The following LPP variants were observed in gnomAD, a reference collection of about 807,000 sequenced individuals.
LPP encodes the protein lipoma-preferred partner.
LPP carries 38 observed loss-of-function variants against 60.4 expected under a neutral mutation model. The observed-to-expected ratio is 0.63, with a 90% CI of 0.49 to 0.83. The LOEUF (loss-of-function observed/expected upper bound fraction) is 0.83, where lower values mean the gene tolerates loss of function less well. LPP is among the 40% of genes least tolerant of loss of function. The pLI is 0.00. For missense variants in LPP, 902 were observed against 783.6 expected, an observed-to-expected ratio of 1.15 and a Z score of -1.80; for synonymous variants, 328 against 290.8, an observed-to-expected ratio of 1.13 and a Z score of -1.30.
At chr3:188,758,573 AC>A (rs1353963479) in intron 8 of LPP, among the ~76,000 whole-genome samples, 1 of 152,212 alleles carries the variant, frequency 6.6e-6, no homozygotes, top group Non-Finnish European at 1.5e-5. Flanking sequence ...AGGGCCAAAT[AC>A]AACTGGAGAG....
At chr3:188,272,680 A>G (rs1182093887) in intron 2 of LPP, among the ~76,000 whole-genome samples, 1 of 152,204 alleles carries the variant, frequency 6.6e-6, no homozygotes, top group African/African-American at 2.4e-5. Context: ...AGACTCTACA[A>G]ATAGTTTACA....
At position 188,156,854 on chromosome 3, in the gene LPP, C is replaced by CA. The variant is rs533685801; in HGVS notation, c.-190+2602_-190+2603insA. Reference sequence around the variant, plus strand: ...TCCATTTCCTCTGCTGCGCCCCACCCCCCCAAGAAAAATAATATTATCAAT... The same window carrying CA: ...TCCATTTCCTCTGCTGCGCCCCACCCACCCCAAGAAAAATAATATTATCAAT... On this transcript the variant is annotated intron_variant, in intron 1 of 11. Coordinates refer to ENST00000617246, the MANE Select transcript of LPP (RefSeq NM_001375462.1). Among the ~76,000 whole-genome samples the CA allele has an allele frequency of 1.5e-3, 223 of 151,530 alleles. 8 individuals carry two copies. Among genetic ancestry groups the CA allele is most frequent in the Admixed American group, 0.014 (219 of 15,184 alleles).
intron 4 of LPP, among the ~76,000 whole-genome samples, chr3:188,476,000 T>A (rs1803102074): frequency 6.6e-6 from 1 of 152,168 alleles, no homozygotes; most frequent in Non-Finnish European, 1.5e-5. Flanking sequence ...TTTAAGTCTT[T>A]CCCCAAATAT....
At chr3:188,469,414 C>T (rs1801254263) in intron 4 of LPP, among the ~76,000 whole-genome samples, 1 of 152,036 alleles carries the variant, frequency 6.6e-6, no homozygotes, top group Non-Finnish European at 1.5e-5. Context: ...AAACTACCCT[C>T]TTTGATTGGT....
chr3:188,556,515 C>T (rs777734932), intron 6 of LPP, among the ~76,000 whole-genome samples: 1 of 151,984 alleles, frequency 6.6e-6, no homozygotes, highest in African/African-American at 2.4e-5. Context: ...TAAAATTACA[C>T]CTGACTTATA....
chr3:188,207,212 C>CTTTTTTTTTTTTTT (rs5855184), intron 1 of LPP, among the ~76,000 whole-genome samples: 2 of 129,328 alleles, frequency 1.5e-5, no homozygotes, highest in African/African-American at 2.9e-5. Context: ...TACACATTTT[C>CTTTTTTTTTTTTTT]TTTTTTTTTT....
chr3:188,186,510 C>G (rs1726638955), intron 1 of LPP, among the ~76,000 whole-genome samples: 1 of 152,066 alleles, frequency 6.6e-6, no homozygotes, highest in African/African-American at 2.4e-5. Flanking sequence ...AGGAAAGCCC[C>G]TTCACATTTG....
intron 9 of LPP, among the ~76,000 whole-genome samples, chr3:188,821,326 A>G (rs188364528): frequency 1.7e-4 from 26 of 148,868 alleles, no homozygotes; most frequent in African/African-American, 6.5e-4. Context: ...AGCATCCTAG[A>G]TCACTCAAAT....
In LPP at chr3:188,888,313, A is replaced by G. The variant is rs1462871061; in HGVS notation, c.*13834A>G. On this transcript the variant is annotated 3_prime_UTR_variant, in exon 12 of 12. Transcript: ENST00000617246. The stretch of plus-strand genomic sequence containing the variant: ...GCCATGAAGTAGATGTGGCGTGAAG[A>G]TACAGAGCCTGAGGATAGTAATTTT... The G allele has an allele frequency of 4.4e-6, 1 of 227,612 alleles. No individual in the cohort carries two copies. Among genetic ancestry groups the G allele is most frequent in the Admixed American group, 5.7e-5 (1 of 17,620 alleles). 14.1% of individuals were successfully genotyped at this position (227,612 alleles called of 1,614,324 possible).
chr3:188,252,170 CATATATATATATATAT>C (rs10609191), intron 2 of LPP, among the ~76,000 whole-genome samples: 3,151 of 101,898 alleles, frequency 0.031, 85 homozygotes, highest in South Asian at 0.044. Context: ...CTTCCCCAAA[CATATATATATATATAT>C]ATATATATAT....
chr3:188,322,786 A>G (rs1317075656), intron 2 of LPP, among the ~76,000 whole-genome samples: 1 of 152,192 alleles, frequency 6.6e-6, no homozygotes, highest in Non-Finnish European at 1.5e-5. Flanking sequence ...TCTGAGCATT[A>G]ATTTCTTCAC....
At chr3:188,852,954 C>T (rs1428046517) in intron 9 of LPP, among the ~76,000 whole-genome samples, 8 of 151,852 alleles carry the variant, frequency 5.3e-5, no homozygotes, top group Admixed American at 5.2e-4. Flanking sequence ...ACCAGCCTGG[C>T]CAAACATGGT....
At chr3:188,632,443 A>T (rs1288025707) in intron 7 of LPP, among the ~76,000 whole-genome samples, 17 of 152,258 alleles carry the variant, frequency 1.1e-4, no homozygotes, top group Admixed American at 1.1e-3. Context: ...CTGGTGCTGC[A>T]CATGGTGGGA....
chr3:188,451,761 A>G (rs919975505), intron 4 of LPP, among the ~76,000 whole-genome samples: 56 of 152,166 alleles, frequency 3.7e-4, no homozygotes, highest in Non-Finnish European at 5.9e-5. Flanking sequence ...GGATAAGGTA[A>G]AGCAGTAGGA....
At chr3:188,590,685 T>C (rs1838502680) in intron 6 of LPP, among the ~76,000 whole-genome samples, 1 of 152,158 alleles carries the variant, frequency 6.6e-6, no homozygotes. Flanking sequence ...TGACCTCTGA[T>C]TGGAGAATAC....
chr3:188,657,942 A>G (rs1340351367), intron 7 of LPP, among the ~76,000 whole-genome samples: 4 of 152,202 alleles, frequency 2.6e-5, no homozygotes, highest in Non-Finnish European at 5.9e-5. Context: ...ATAAAAATAC[A>G]TAATGGTGCA....
chr3:188,762,422 G>A (rs986466837), intron 9 of LPP, among the ~76,000 whole-genome samples: 1 of 152,202 alleles, frequency 6.6e-6, no homozygotes, highest in Non-Finnish European at 1.5e-5. Context: ...ATTTCTGAAT[G>A]TGGGAACCTT....
At chr3:188,607,368 AAGATATATATATATAT>A (rs1842605880) in intron 6 of LPP, among the ~76,000 whole-genome samples, 1 of 83,694 alleles carries the variant, frequency 1.2e-5, no homozygotes, top group Non-Finnish European at 2.3e-5. Context: ...TTGAAAATAG[AAGATATATATATATAT>A]ATATATATAT....
chr3:188,241,945 T>C (rs955340394), intron 2 of LPP, among the ~76,000 whole-genome samples: 9 of 152,190 alleles, frequency 5.9e-5, no homozygotes, highest in Admixed American at 2.0e-4. Flanking sequence ...CCTCTGCTCA[T>C]TGGAAAACTT....
Sources: allele counts gnomAD v4.1 joint callset (sites outside exome capture counted in the v4.1 genomes callset), GRCh38; gene constraint gnomAD v4.1.1; transcripts MANE v1.5; gene names NCBI Gene and HGNC (gene_info 2026-07-23, HGNC 2026-07-21).